Variants in TRAPPC13 observed in about 807,000 individuals in gnomAD.
TRAPPC13 encodes the protein REV7-interacting novel NHEJ regulator 1.
TRAPPC13 carries 39 observed loss-of-function variants against 54.0 expected under a neutral mutation model. The observed-to-expected ratio is 0.72, with a 90% confidence interval of 0.56 to 0.94. TRAPPC13 has a LOEUF of 0.94. Ranked by LOEUF, TRAPPC13 falls within the 40% of genes least tolerant of loss-of-function variation. The pLI is 0.00. For synonymous variants in TRAPPC13, 148 were observed against 167.7 expected, an observed-to-expected ratio of 0.88 and a Z score of 0.91; for missense variants, 386 against 488.1, an observed-to-expected ratio of 0.79 and a Z score of 1.97.
intron 5 of TRAPPC13, among the ~76,000 whole-genome samples, chr5:65,648,313 A>T (rs985342602): frequency 3.9e-5 from 6 of 152,214 alleles, no homozygotes; most frequent in Non-Finnish European, 7.3e-5. Flanking sequence ...CTGCTAGACT[A>T]GATTAAATCC....
At chr5:65,636,704 C>A (rs546060459) in intron 3 of TRAPPC13, among the ~76,000 whole-genome samples, 1 of 152,122 alleles carries the variant, frequency 6.6e-6, no homozygotes, top group African/African-American at 2.4e-5. Context: ...AGTTATCAGA[C>A]TTGTCAGCTA....
rs113653009 is a variant in TRAPPC13, at chr5:65,634,489, A to G, written c.47-812A>G. Reference sequence around the variant, plus strand: ...ATTTGTTTCTCTAAATAAACTTTAGACACATTCTGTCATGTTCCAAAAATA... The same window carrying G: ...ATTTGTTTCTCTAAATAAACTTTAGGCACATTCTGTCATGTTCCAAAAATA... On this transcript the variant is annotated intron_variant, in intron 1 of 12. Transcript: ENST00000399438. Among the ~76,000 whole-genome samples, 910 of 152,274 alleles carry G rather than the reference A, an allele frequency of 6.0e-3. 6 individuals carry two copies. The highest frequency in any genetic ancestry group is 0.024 in the Middle Eastern group (7 of 294).
intron 1 of TRAPPC13, among the ~76,000 whole-genome samples, chr5:65,627,680 A>G (rs181716786): frequency 6.6e-6 from 1 of 152,280 alleles, no homozygotes; most frequent in Non-Finnish European, 1.5e-5. Flanking sequence ...TTTAGACAAC[A>G]AGAGAATTTC....
At chr5:65,635,461 TTTA>T in intron 2 of TRAPPC13, 92 bp downstream of exon 2, 1 of 1,010,196 alleles carries the variant, frequency 9.9e-7, no homozygotes, top group South Asian at 1.5e-5. Context: ...CCCTGTAAAT[TTTA>T]TGCTAACCAT....
At chr5:65,628,497 T>TGA (rs1755353533) in intron 1 of TRAPPC13, among the ~76,000 whole-genome samples, 2 of 151,702 alleles carry the variant, frequency 1.3e-5, no homozygotes, top group African/African-American at 4.8e-5. Flanking sequence ...TCTTGCCCTG[T>TGA]CACCCAGGCT....
intron 1 of TRAPPC13, among the ~76,000 whole-genome samples, chr5:65,627,054 C>T (rs2150656194): frequency 7.2e-6 from 1 of 138,022 alleles, no homozygotes; most frequent in Non-Finnish European, 1.5e-5. Flanking sequence ...ACCGCTTGAA[C>T]CTGGGAGGCA....
chr5:65,650,157 CTTTTTTTTT>C (rs34093188), intron 5 of TRAPPC13, among the ~76,000 whole-genome samples: 2 of 78,118 alleles, frequency 2.6e-5, no homozygotes, highest in African/African-American at 5.2e-5. Context: ...CACACCTGGC[CTTTTTTTTT>C]TTTTTTTTTT....
chr5:65,642,281 C>T (rs1352755615), intron 4 of TRAPPC13, among the ~76,000 whole-genome samples: 1 of 152,022 alleles, frequency 6.6e-6, no homozygotes, highest in East Asian at 1.9e-4. Context: ...CGAGATTGTG[C>T]CACTGCACTC....
chr5:65,636,407 G>C (rs947884735), intron 3 of TRAPPC13, among the ~76,000 whole-genome samples: 4 of 151,914 alleles, frequency 2.6e-5, no homozygotes, highest in African/African-American at 4.8e-5. Flanking sequence ...CTCCCAAAGT[G>C]CTTGGATTGC....
At chr5:65,653,887 T>A (rs1756561930) in intron 7 of TRAPPC13, among the ~76,000 whole-genome samples, 1 of 152,310 alleles carries the variant, frequency 6.6e-6, no homozygotes, top group Admixed American at 6.5e-5. Flanking sequence ...AATACCACAC[T>A]GTTGATTAAT....
chr5:65,625,285 C>T (rs1284154487), intron 1 of TRAPPC13, 179 bp downstream of exon 1: 4 of 606,952 alleles, frequency 6.6e-6, no homozygotes, highest in South Asian at 4.0e-5. Flanking sequence ...TTTATGGGCC[C>T]CTTTCTAGAA....
chr5:65,652,680 TC>T lies in TRAPPC13; in HGVS notation c.546+136del, dbSNP rs1196282986. The T allele has an allele frequency of 8.1e-6, 6 of 736,696 alleles. No homozygotes were observed. The African/African-American group carries it at 1.0e-4, about 13-fold the overall frequency. 45.6% of individuals were successfully genotyped at this position (736,696 alleles called of 1,614,324 possible). ...AAATTATTTGAAAAAATCACAAATT[TC>T]AGTTAAAATTGAATAATTTTATTAT... On this transcript the variant is annotated intron_variant, in intron 7 of 12. Transcript: ENST00000399438.
At chr5:65,650,970 C>A in intron 6 of TRAPPC13, 88 bp downstream of exon 6, 1 of 970,808 alleles carries the variant, frequency 1.0e-6, no homozygotes, top group Non-Finnish European at 1.6e-6. Context: ...GCAGGGAAAA[C>A]AAGCTCCAAA....
At chr5:65,638,140 A>C (rs974215066) in intron 4 of TRAPPC13, among the ~76,000 whole-genome samples, 4 of 150,200 alleles carry the variant, frequency 2.7e-5, no homozygotes, top group Non-Finnish European at 6.0e-5. Flanking sequence ...AAAAAAAGAA[A>C]AAAAGGTTTT....
rs752920272 is a variant in TRAPPC13 at position 65,637,684 on chromosome 5, T to G, written c.216-12T>G. 6.8e-7 allele frequency: 1 copy of G among 1,476,776 alleles called. No homozygotes were observed. Among genetic ancestry groups the G allele is most frequent in the Admixed American group, 2.1e-5 (1 of 46,890 alleles). 91.5% of individuals were successfully genotyped at this position (1,476,776 alleles called of 1,614,324 possible). ...AATGGATTTCTGCCTAAATACTTATTTTATTTTACAGGAATATATTTTTGG... is the reference window on the plus strand; with the variant it reads ...AATGGATTTCTGCCTAAATACTTATGTTATTTTACAGGAATATATTTTTGG... On this transcript the variant is annotated splice_polypyrimidine_tract_variant and intron_variant, in intron 3 of 12. Coordinates refer to ENST00000399438, the MANE Select transcript of TRAPPC13 (RefSeq NM_024941.4).
chr5:65,634,179 G>T (rs1206819532), intron 1 of TRAPPC13, among the ~76,000 whole-genome samples: 3 of 151,802 alleles, frequency 2.0e-5, no homozygotes, highest in African/African-American at 2.4e-5. Context: ...TAGAGACGGG[G>T]TTTCACCGTG....
In TRAPPC13 at chr5:65,633,410, A is replaced by G. The variant is rs563077472; in HGVS notation, c.47-1891A>G. On this transcript the variant is annotated intron_variant, in intron 1 of 12. Transcript: ENST00000399438. ...TTCTCCTGCCTCAGCCTCTGCGAGT[A>G]GCTGGGACTACAGGCGCCCGCCACC... Among the ~76,000 whole-genome samples, 3 of 152,098 alleles carry G rather than the reference A, an allele frequency of 2.0e-5. No homozygotes were observed. The East Asian group carries it at 5.8e-4, about 29-fold the overall frequency.
intron 8 of TRAPPC13, among the ~76,000 whole-genome samples, chr5:65,656,509 T>C (rs1202217602): frequency 1.3e-5 from 2 of 152,184 alleles, no homozygotes; most frequent in African/African-American, 4.8e-5. Flanking sequence ...TTTGAACACA[T>C]GTCCCAAAAA....
intron 1 of TRAPPC13, chr5:65,635,020 ATT>A (rs1755696090): frequency 6.0e-6 from 5 of 829,384 alleles, no homozygotes; most frequent in African/African-American, 1.8e-5. Context: ...AGCTTTAAAA[ATT>A]ATATTTTCCA....
Sources: gnomAD v4.1 joint callset for allele counts (sites outside exome capture counted in the v4.1 genomes callset) on GRCh38, gnomAD v4.1.1 for gene constraint, MANE v1.5 for transcripts, NCBI Gene and HGNC (gene_info 2026-07-23, HGNC 2026-07-21) for gene names.